The following GDA variants were observed in gnomAD, a reference collection of about 807,000 sequenced individuals.
GDA encodes the protein guanine deaminase, also known as cytoplasmic PSD-95 interactor.
In GDA, 18 loss-of-function variants were observed where a neutral mutation model predicts 59.6. The ratio of observed to expected loss-of-function variants is 0.30; its 90% CI spans 0.21 to 0.45. GDA has a LOEUF of 0.45. Ranked by LOEUF, GDA falls within the 20% of genes least tolerant of loss-of-function variation. GDA has a pLI of 1.00. For missense variants in GDA, 427 were observed against 552.3 expected (o/e 0.77, Z 2.27); for synonymous variants, 201 against 201.1 (o/e 1.00, Z 0.00).
chr9:72,198,068 A>G (rs1395150689), intron 2 of GDA, among the ~76,000 whole-genome samples: 1 of 152,224 alleles, frequency 6.6e-6, no homozygotes, highest in Non-Finnish European at 1.5e-5. Context: ...AGTAATCAAG[A>G]TAAATACTTT....
At chr9:72,142,527 C>T (rs1302337454) in intron 1 of GDA, among the ~76,000 whole-genome samples, 3 of 150,360 alleles carry the variant, frequency 2.0e-5, no homozygotes, top group Non-Finnish European at 4.4e-5. Flanking sequence ...GAGCCGAGAT[C>T]GTGCCACTGA....
At chr9:72,209,345 T>A (rs1362202196) in intron 3 of GDA, among the ~76,000 whole-genome samples, 2 of 152,136 alleles carry the variant, frequency 1.3e-5, no homozygotes, top group African/African-American at 2.4e-5. Flanking sequence ...CACCTTTGAT[T>A]TTCATCTTTT....
At chr9:72,224,071 C>G (rs914900268) in intron 7 of GDA, among the ~76,000 whole-genome samples, 16 of 152,210 alleles carry the variant, frequency 1.1e-4, no homozygotes, top group Admixed American at 2.6e-4. Flanking sequence ...ACACATTTCT[C>G]TGCTGGAGAT....
Position 72,241,218 on chromosome 9 carries a change from T to G in GDA, c.1055T>G (p.Ile352Ser), listed in dbSNP as rs1272750300. ...AGAAGAGCAGTGATGGTTTCCAATA[T>G]CCTTTTAATTAATAAGGTAAATGAG... Reference protein sequence around the residue: ...AIRRAVMVSNILLINKVNEKS... With the variant: ...AIRRAVMVSNSLLINKVNEKS... Residue 352 changes from isoleucine to serine, a missense_variant, in exon 11 of 14, where the codon ATC (isoleucine) becomes AGC (serine). Coordinates refer to ENST00000358399, the MANE Select transcript of GDA (RefSeq NM_004293.5). 3.7e-6 allele frequency: 6 copies of G among 1,609,710 alleles called. No individual in the cohort carries two copies. The highest frequency in any genetic ancestry group is 4.3e-6 in the Non-Finnish European group (5 of 1,176,322).
intron 1 of GDA, 72 bp downstream of exon 1, chr9:72,149,754 C>G (rs1826917069): frequency 2.7e-6 from 4 of 1,456,552 alleles, no homozygotes; most frequent in Non-Finnish European, 3.6e-6. Flanking sequence ...CGCGGTGCTT[C>G]GCGTAGCCCG....
At chr9:72,168,229 G>C (rs1174232927) in intron 1 of GDA, among the ~76,000 whole-genome samples, 2 of 151,822 alleles carry the variant, frequency 1.3e-5, no homozygotes, top group African/African-American at 4.8e-5. Context: ...AGATCCCTCT[G>C]TACAAAACAA....
At chr9:72,144,316 ATTG>A (rs1437659885) in intron 1 of GDA, among the ~76,000 whole-genome samples, 1 of 152,220 alleles carries the variant, frequency 6.6e-6, no homozygotes, top group African/African-American at 2.4e-5. Context: ...TTCAGCATCA[ATTG>A]TTAAGTGCCT....
chr9:72,232,925 G>A (rs1838524193), intron 10 of GDA, among the ~76,000 whole-genome samples: 2 of 152,228 alleles, frequency 1.3e-5, no homozygotes, highest in Admixed American at 6.5e-5. Context: ...CACAGTGCCT[G>A]CCTGGCACAT....
intron 1 of GDA, among the ~76,000 whole-genome samples, chr9:72,128,334 A>G (rs1424590455): frequency 6.6e-6 from 1 of 152,130 alleles, no homozygotes; most frequent in African/African-American, 2.4e-5. Context: ...ATGGAGTGAT[A>G]GAGTGTGGTG....
At chr9:72,198,861 A>ATATATATATATATATAT (rs1491123372) in intron 2 of GDA, among the ~76,000 whole-genome samples, 27 of 147,870 alleles carry the variant, frequency 1.8e-4, no homozygotes, top group Middle Eastern at 3.4e-3. Context: ...ATATATATAT[A>ATATATATATATATATAT]AAATTTTTTT....
rs2131694709 is a variant in GDA at position 72,233,960 on chromosome 9, A to G, written c.988+2779A>G. On this transcript the variant is annotated intron_variant, in intron 10 of 13. Transcript: ENST00000358399. ...CTGTCCCTAAATTAATAAATAAATG[A>G]AAGAATTGTATGAGGATGTTTATAT... Among the ~76,000 whole-genome samples, 3 of 152,238 alleles carry G rather than the reference A, an allele frequency of 2.0e-5. 1 individual carries two copies. The South Asian group carries it at 6.2e-4, about 32-fold the overall frequency.
At chr9:72,121,587 AAGTC>A (rs1825662865) in intron 1 of GDA, among the ~76,000 whole-genome samples, 1 of 152,174 alleles carries the variant, frequency 6.6e-6, no homozygotes, top group South Asian at 2.1e-4. Context: ...ACAAGAGCGA[AAGTC>A]AGCCTCAAAA....
In GDA at chr9:72,250,694, T is replaced by A; in HGVS notation, c.*2352T>A. ...GACTTTCTGAATTGTGGAGAGGCACTTTTCCAAGCCAATCTTATTTGTCAC... is the reference window on the plus strand; with the variant it reads ...GACTTTCTGAATTGTGGAGAGGCACATTTCCAAGCCAATCTTATTTGTCAC... On this transcript the variant is annotated 3_prime_UTR_variant, in exon 14 of 14. Coordinates refer to ENST00000358399, the MANE Select transcript of GDA (RefSeq NM_004293.5). The A allele has an allele frequency of 1.2e-6, 2 of 1,610,976 alleles. No individual in the cohort carries two copies. The highest frequency in any genetic ancestry group is 1.7e-6 in the Non-Finnish European group (2 of 1,178,972).
intron 1 of GDA, among the ~76,000 whole-genome samples, chr9:72,128,322 TAATG>T (rs1431322536): frequency 6.6e-6 from 1 of 152,172 alleles, no homozygotes; most frequent in African/African-American, 2.4e-5. Flanking sequence ...GTGATTCAAA[TAATG>T]GAGTGATAGA....
At position 72,249,621 on chromosome 9, in the gene GDA, A is replaced by T; in HGVS notation, c.*1279A>T. ...TTCCATAACCTAGAATTAAAACCAA[A>T]TTATGACCTTATGATAAATCTTTAA... On this transcript the variant is annotated 3_prime_UTR_variant, in exon 14 of 14. Transcript: ENST00000358399. 4 of 652,828 alleles carry T rather than the reference A, an allele frequency of 6.1e-6. No individual in the cohort carries two copies. The highest frequency in any genetic ancestry group is 7.6e-6 in the Non-Finnish European group (4 of 526,662). 40.4% of individuals were successfully genotyped at this position (652,828 alleles called of 1,614,324 possible).
At chr9:72,205,881 T>C (rs759967778) in intron 3 of GDA, among the ~76,000 whole-genome samples, 3 of 152,228 alleles carry the variant, frequency 2.0e-5, no homozygotes, top group Non-Finnish European at 4.4e-5. Flanking sequence ...ATATAAGCCC[T>C]GTACCTCCTG....
chr9:72,227,922 G>A (rs371594886), intron 8 of GDA, 21 bp from the exon 9 acceptor site: 40 of 1,335,328 alleles, frequency 3.0e-5, no homozygotes, highest in African/African-American at 2.4e-4. Flanking sequence ...TAAACTCCAC[G>A]TAGGGCACTC....
At chr9:72,162,181 A>G (rs1223354103) in intron 1 of GDA, among the ~76,000 whole-genome samples, 2 of 152,168 alleles carry the variant, frequency 1.3e-5, no homozygotes, top group Admixed American at 6.5e-5. Flanking sequence ...TGGTGCTACT[A>G]TGCTTGGAGC....
Position 72,198,268 on chromosome 9 carries a change from G to A in GDA, c.212+2680G>A, listed in dbSNP as rs1260571567. On this transcript the variant is annotated intron_variant, in intron 2 of 13. Transcript: ENST00000358399. Reference sequence around the variant, plus strand: ...AATTAGCCAGGTGTGGGCCGGGTGCGGTGGCTCACACCTGTAATCCCAGCA... The same window carrying A: ...AATTAGCCAGGTGTGGGCCGGGTGCAGTGGCTCACACCTGTAATCCCAGCA... 1.1e-4 allele frequency among the ~76,000 whole-genome samples: 16 copies of A among 151,426 alleles called. 1 individual carries two copies. The highest frequency in any genetic ancestry group is 3.6e-4 in the African/African-American group (15 of 41,266).
Sources: allele counts gnomAD v4.1 joint callset (sites outside exome capture counted in the v4.1 genomes callset), GRCh38; gene constraint gnomAD v4.1.1; transcripts MANE v1.5; gene names NCBI Gene and HGNC (gene_info 2026-07-23, HGNC 2026-07-21).